DMD: variants seen among roughly 807,000 people sequenced by gnomAD.
DMD encodes the protein dystrophin.
In DMD, 63 loss-of-function variants were observed where a neutral mutation model predicts 330.1. The observed-to-expected ratio is 0.19, with a 90% CI of 0.16 to 0.24. The LOEUF (loss-of-function observed/expected upper bound fraction) is 0.24, where lower values mean the gene tolerates loss of function less well. Ranked by LOEUF, DMD falls within the 10% of genes least tolerant of loss-of-function variation. The pLI, the probability that DMD is intolerant of heterozygous loss-of-function variation, is 1.00. For synonymous variants in DMD, 1,223 were observed against 959.8 expected, an observed-to-expected ratio of 1.27 and a Z score of -5.07; for missense variants, 3,344 against 2,684.1, an observed-to-expected ratio of 1.25 and a Z score of -5.43.
chrX:32,942,566 A>AG (rs2090503706), intron 2 of DMD, among the ~76,000 whole-genome samples: 1 of 111,603 alleles, frequency 9.0e-6, no homozygotes, highest in African/African-American at 3.3e-5. Context: ...AGAAAAAAAA[A>AG]GAGAATCCAT....
intron 62 of DMD, among the ~76,000 whole-genome samples, chrX:31,319,119 A>G (rs1330522038): frequency 8.9e-6 from 1 of 112,118 alleles, no homozygotes; most frequent in African/African-American, 3.2e-5. Flanking sequence ...AGTGGAAACT[A>G]GAGACAATGC....
intron 54 of DMD, among the ~76,000 whole-genome samples, chrX:31,644,210 G>A (rs2079945993): frequency 8.9e-6 from 1 of 111,814 alleles, no homozygotes; most frequent in African/African-American, 3.2e-5. Context: ...GAGCCAGTAT[G>A]TTAATACGCT....
intron 4 of DMD, among the ~76,000 whole-genome samples, chrX:32,843,742 T>A (rs2080379622): frequency 9.0e-6 from 1 of 111,693 alleles, no homozygotes; most frequent in African/African-American, 3.3e-5. Flanking sequence ...ATTGGTCGAT[T>A]AGACAGATTT....
At chrX:33,215,535 A>G (rs766564630), upstream of DMD, among the ~76,000 whole-genome samples, 43 of 111,225 alleles carry the variant, frequency 3.9e-4, no homozygotes, top group African/African-American at 1.2e-3. Context: ...GTCAAGTTCC[A>G]CTTGTCAATT....
chrX:32,296,581 T>A (rs1313261193), intron 42 of DMD, among the ~76,000 whole-genome samples: 1 of 111,130 alleles, frequency 9.0e-6, no homozygotes, highest in Non-Finnish European at 1.9e-5. Flanking sequence ...CTACAACTCT[T>A]TCCAAGATTT....
intron 55 of DMD, among the ~76,000 whole-genome samples, chrX:31,511,538 T>G (rs2071594561): frequency 2.2e-5 from 2 of 92,089 alleles, no homozygotes; most frequent in African/African-American, 4.1e-5. Flanking sequence ...TGTGTCCATG[T>G]GTTCTCATTG....
intron 15 of DMD, among the ~76,000 whole-genome samples, chrX:32,571,687 G>A (rs1347829496): frequency 3.6e-5 from 4 of 111,630 alleles, no homozygotes; most frequent in Non-Finnish European, 5.7e-5. Context: ...CATTTTACAC[G>A]GAATATATCC....
intron 55 of DMD, among the ~76,000 whole-genome samples, chrX:31,561,030 AAC>A (rs1303676349): frequency 8.9e-6 from 1 of 111,792 alleles, no homozygotes; most frequent in East Asian, 2.8e-4. Flanking sequence ...TCAACTGTAT[AAC>A]ACTTTCCAAA....
chrX:32,322,219 T>A (rs2097620371), intron 41 of DMD, among the ~76,000 whole-genome samples: 2 of 111,323 alleles, frequency 1.8e-5, no homozygotes, highest in Non-Finnish European at 3.8e-5. Context: ...TTTCCAGAGC[T>A]AAAGAAGTTA....
In DMD at chrX:32,561,855, C is replaced by T. The variant is rs191858325; in HGVS notation, c.1992+3847G>A. On this transcript the variant is annotated intron_variant, in intron 16 of 78. Coordinates refer to ENST00000357033, the MANE Select transcript of DMD (RefSeq NM_004006.3). ...AACAGCAGATCTCTCAGCAGAAACC[C>T]TATAAGCCAGTAGAGATTGGGGGCT... is the stretch of plus-strand genomic sequence containing the variant. 4.3e-3 allele frequency among the ~76,000 whole-genome samples: 481 copies of T among 111,860 alleles called. 1 individual carries two copies. Among genetic ancestry groups the T allele is most frequent in the South Asian group, 0.02 (52 of 2,647 alleles).
intron 13 of DMD, among the ~76,000 whole-genome samples, chrX:32,590,841 C>T (rs757136561): frequency 1.8e-5 from 2 of 111,211 alleles, no homozygotes; most frequent in Admixed American, 9.6e-5. Flanking sequence ...TTGCAGATGG[C>T]GTATCATGGG....
intron 34 of DMD, among the ~76,000 whole-genome samples, chrX:32,369,275 T>C (rs1305112268): frequency 9.0e-6 from 1 of 111,708 alleles, no homozygotes; most frequent in Non-Finnish European, 1.9e-5. Flanking sequence ...ATTTCCTTAT[T>C]ATAAAAGAAT....
intron 47 of DMD, among the ~76,000 whole-genome samples, chrX:31,915,666 A>G (rs1334618888): frequency 9.0e-6 from 1 of 111,644 alleles, no homozygotes; most frequent in Non-Finnish European, 1.9e-5. Context: ...CTGTTTCTAT[A>G]CTCCTAGGAT....
Position 31,388,069 on chromosome X carries a change from G to C in DMD, c.9085-39435C>G, listed in dbSNP as rs751108286. On this transcript the variant is annotated intron_variant, in intron 60 of 78. Coordinates refer to ENST00000357033, the MANE Select transcript of DMD (RefSeq NM_004006.3). ...GGCTGGAGTGCAGTGGCACGATCTC[G>C]GCTCACTGCAATCTCCAGCTCCCAG... Among the ~76,000 whole-genome samples, 3 of 104,627 alleles carry C rather than the reference G, an allele frequency of 2.9e-5. No individual in the cohort carries two copies. The East Asian group carries it at 9.0e-4, about 31-fold the overall frequency. 90.9% of individuals were successfully genotyped at this position (104,627 alleles called of 115,157 possible). A position where few individuals can be genotyped will look rare whatever the true frequency, so the allele number is the denominator to read the frequency against.
intron 52 of DMD, among the ~76,000 whole-genome samples, chrX:31,722,186 T>G (rs1346390544): frequency 2.7e-5 from 3 of 110,730 alleles, no homozygotes; most frequent in Non-Finnish European, 5.7e-5. Context: ...TGGCGTGATC[T>G]CGGCTCAGTG....
intron 51 of DMD, among the ~76,000 whole-genome samples, chrX:31,742,766 C>T (rs2087466686): frequency 9.0e-6 from 1 of 111,459 alleles, no homozygotes; most frequent in South Asian, 3.8e-4. Flanking sequence ...TAGGAAACAC[C>T]ACTCTGGACA....
At chrX:32,840,000 C>T (rs940431733) in intron 4 of DMD, among the ~76,000 whole-genome samples, 4 of 111,960 alleles carry the variant, frequency 3.6e-5, no homozygotes, top group East Asian at 5.6e-4. Context: ...TGAGCCACCG[C>T]GCCCAGCCTA....
chrX:33,335,597 C>A (rs765939973), intron 1 of DMD, among the ~76,000 whole-genome samples: 111 of 110,410 alleles, frequency 1.0e-3, no homozygotes, highest in African/African-American at 3.6e-3. Flanking sequence ...CCTTTGGTAC[C>A]CTAATAGTTC....
intron 55 of DMD, among the ~76,000 whole-genome samples, chrX:31,522,363 C>CTCTCTCTCTCTCTATATATA: frequency 2.8e-4 from 10 of 35,960 alleles, no homozygotes; most frequent in East Asian, 9.7e-4. Context: ...CTCTCTCTCT[C>CTCTCTCTCTCTCTATATATA]TATATATATA....
Sources: allele counts gnomAD v4.1 joint callset (sites outside exome capture counted in the v4.1 genomes callset), GRCh38; gene constraint gnomAD v4.1.1; transcripts MANE v1.5; gene names NCBI Gene and HGNC (gene_info 2026-07-23, HGNC 2026-07-21).